The following PRMT8 variants were observed in gnomAD, a reference collection of about 807,000 sequenced individuals.
PRMT8 encodes the protein protein arginine methyltransferase 8, also known as protein arginine N-methyltransferase 8.
PRMT8 carries 7 observed loss-of-function variants against 47.1 expected under a neutral mutation model. The ratio of observed to expected loss-of-function variants is 0.15; its 90% confidence interval spans 0.08 to 0.28. PRMT8 has a LOEUF of 0.28. Ranked by LOEUF, PRMT8 falls within the 10% of genes least tolerant of loss-of-function variation. PRMT8 has a pLI of 1.00. For missense variants in PRMT8, 237 were observed against 505.4 expected, an observed-to-expected ratio of 0.47 and a Z score of 5.09; for synonymous variants, 188 against 186.5, an observed-to-expected ratio of 1.01 and a Z score of -0.07.
chr12:3,397,143 T>G lies in PRMT8; in HGVS notation c.48+15701T>G, dbSNP rs1184168729. 6.6e-5 allele frequency among the ~76,000 whole-genome samples: 10 copies of G among 151,952 alleles called. No homozygotes were observed. In the South Asian group the frequency reaches 2.2e-3, roughly 33 times the overall value. On this transcript the variant is annotated intron_variant, in intron 1 of 9. Transcript: ENST00000452611. ...ATTTTTTTCAAAGTTTTCAACTTCTTTGCCTTTGGTTTGAATGTCCTCCCA... is the reference window on the plus strand; with the variant it reads ...ATTTTTTTCAAAGTTTTCAACTTCTGTGCCTTTGGTTTGAATGTCCTCCCA...
chr12:3,547,481 A>C (rs74559904), intron 2 of PRMT8, among the ~76,000 whole-genome samples: 1,789 of 152,282 alleles, frequency 0.012, 33 homozygotes, highest in African/African-American at 0.04. Context: ...ATCACAAAAT[A>C]AAATAGTTGA....
At chr12:3,478,315 C>CCTAT (rs1231943540) in intron 1 of PRMT8, among the ~76,000 whole-genome samples, 1 of 139,792 alleles carries the variant, frequency 7.2e-6, no homozygotes. Flanking sequence ...TATCTACCTA[C>CCTAT]CTATCTATCT....
chr12:3,546,594 C>T (rs1227527186), intron 2 of PRMT8, among the ~76,000 whole-genome samples: 1 of 152,064 alleles, frequency 6.6e-6, no homozygotes, highest in Admixed American at 6.5e-5. Flanking sequence ...TGGATACATG[C>T]CTTGAAAAAA....
Position 3,491,708 on chromosome 12 carries a change from GGCGA to G in PRMT8, c.75+15_75+18del. 6.2e-7 allele frequency: 1 copy of G among 1,606,130 alleles called. No homozygotes were observed. Among genetic ancestry groups the G allele is most frequent in the Non-Finnish European group, 8.5e-7 (1 of 1,178,682 alleles). On this transcript the variant is annotated intron_variant, in intron 1 of 9. Coordinates refer to ENST00000382622, the MANE Select transcript of PRMT8 (RefSeq NM_019854.5). ...GCGGCCGAGAGCACCGAGGTAAGGA[GGCGA>G]GCGAGCAGGGGCTCTCGGAGACCCC...
chr12:3,556,632 G>A (rs781539992), intron 4 of PRMT8, among the ~76,000 whole-genome samples: 5 of 152,134 alleles, frequency 3.3e-5, no homozygotes, highest in Non-Finnish European at 7.3e-5. Flanking sequence ...AAATGGAACA[G>A]TAGCTGTAAA....
intron 1 of PRMT8, among the ~76,000 whole-genome samples, chr12:3,424,018 C>T (rs1329723946): frequency 6.6e-6 from 1 of 152,130 alleles, no homozygotes; most frequent in East Asian, 1.9e-4. Flanking sequence ...TACAGGTTCT[C>T]CACATACATA....
chr12:3,496,214 A>ATTTTTTTTTTTT lies in PRMT8; in HGVS notation c.75+4529_75+4540dup, dbSNP rs1555085718. ...TTTGGAAACTGATATATATATATAT[A>ATTTTTTTTTTTT]TTTTTTTTTTTTTTTTTTTTTTTTT... is the stretch of plus-strand genomic sequence containing the variant. On this transcript the variant is annotated intron_variant, in intron 1 of 9. Transcript: ENST00000382622. 4.0e-4 allele frequency among the ~76,000 whole-genome samples: 11 copies of ATTTTTTTTTTTT among 27,772 alleles called. 1 individual carries two copies. Among genetic ancestry groups the ATTTTTTTTTTTT allele is most frequent in the African/African-American group, 5.3e-4 (6 of 11,358 alleles). The allele number at this position is 27,772 out of a possible 152,430, so 18.2% of individuals were successfully genotyped here.
intron 8 of PRMT8, among the ~76,000 whole-genome samples, chr12:3,587,506 T>C (rs1486117844): frequency 6.6e-6 from 1 of 152,188 alleles, no homozygotes; most frequent in Non-Finnish European, 1.5e-5. Context: ...CTTACACTTA[T>C]TGATTCGAGC....
At chr12:3,468,048 T>C (rs1477976891) in intron 1 of PRMT8, among the ~76,000 whole-genome samples, 1 of 152,232 alleles carries the variant, frequency 6.6e-6, no homozygotes, top group Non-Finnish European at 1.5e-5. Context: ...AGAACTCACC[T>C]GTGGCTGAAC....
At chr12:3,477,597 A>C (rs1431257677) in intron 1 of PRMT8, among the ~76,000 whole-genome samples, 1 of 152,258 alleles carries the variant, frequency 6.6e-6, no homozygotes, top group East Asian at 1.9e-4. Flanking sequence ...CTCCTAAAAA[A>C]GAATTCACAG....
intron 1 of PRMT8, among the ~76,000 whole-genome samples, chr12:3,452,784 G>A (rs1864934139): frequency 6.6e-6 from 1 of 152,190 alleles, no homozygotes; most frequent in African/African-American, 2.4e-5. Context: ...GAACGTTCAA[G>A]GCAGAGGAGA....
At chr12:3,546,344 A>G (rs1866327121) in intron 2 of PRMT8, among the ~76,000 whole-genome samples, 1 of 152,198 alleles carries the variant, frequency 6.6e-6, no homozygotes, top group African/African-American at 2.4e-5. Context: ...AGATGAAAGC[A>G]GAAGTCAATG....
chr12:3,541,545 C>T (rs1004926887), intron 2 of PRMT8, among the ~76,000 whole-genome samples: 1 of 152,188 alleles, frequency 6.6e-6, no homozygotes, highest in African/African-American at 2.4e-5. Context: ...TTCATTTAAA[C>T]TCTATGAAGA....
intron 2 of PRMT8, among the ~76,000 whole-genome samples, chr12:3,543,011 C>T (rs1424466579): frequency 3.3e-5 from 5 of 152,218 alleles, no homozygotes; most frequent in Admixed American, 1.3e-4. Flanking sequence ...ATTGTGTGTA[C>T]TTATGGAAAA....
chr12:3,540,942 G>T, intron 2 of PRMT8, 151 bp downstream of exon 2: 1 of 960,704 alleles, frequency 1.0e-6, no homozygotes, highest in African/African-American at 1.7e-5. Context: ...CCAATCCGGG[G>T]GGCCCCTCTG....
rs920260398 is a variant in PRMT8 at position 3,572,931 on chromosome 12, A to C, written c.712+3367A>C. 2.6e-5 allele frequency among the ~76,000 whole-genome samples: 4 copies of C among 151,410 alleles called. No homozygotes were observed. The highest frequency in any genetic ancestry group is 4.4e-5 in the Non-Finnish European group (3 of 67,832). On this transcript the variant is annotated intron_variant, in intron 6 of 9. Coordinates refer to ENST00000382622, the MANE Select transcript of PRMT8 (RefSeq NM_019854.5). This position sits in a 1 kb window ranked among gnomAD's most constrained non-coding sequence, Gnocchi z 5.9. Reference sequence around the variant, plus strand: ...GTTTTTGAGATTTCTGTCTTTATTGATTTTCTGCAGTTTGATTCTGATGTG... The same window carrying C: ...GTTTTTGAGATTTCTGTCTTTATTGCTTTTCTGCAGTTTGATTCTGATGTG...
At chr12:3,559,416 G>A (rs1353049588) in intron 4 of PRMT8, among the ~76,000 whole-genome samples, 1 of 152,138 alleles carries the variant, frequency 6.6e-6, no homozygotes, top group Non-Finnish European at 1.5e-5. Context: ...ATGCTCCCAG[G>A]CTGTTTCACT....
intron 1 of PRMT8, among the ~76,000 whole-genome samples, chr12:3,440,476 A>AACAAG (rs1481719489): frequency 6.6e-6 from 1 of 150,724 alleles, no homozygotes; most frequent in African/African-American, 2.4e-5. Flanking sequence ...AACAAAACAA[A>AACAAG]ACAAAACAAA....
At chr12:3,525,348 G>A (rs1865937271) in intron 1 of PRMT8, among the ~76,000 whole-genome samples, 1 of 152,202 alleles carries the variant, frequency 6.6e-6, no homozygotes, top group African/African-American at 2.4e-5. Context: ...AAGAGCAGGA[G>A]GGGGCTGGGA....
Sources: gnomAD v4.1 joint callset for allele counts (sites outside exome capture counted in the v4.1 genomes callset) on GRCh38, gnomAD v4.1.1 for gene constraint, Gnocchi (gnomAD v3.1) non-coding constraint, MANE v1.5 for transcripts, NCBI Gene and HGNC (gene_info 2026-07-23, HGNC 2026-07-21) for gene names.